The following PRKD1 variants were observed in gnomAD, a reference collection of about 807,000 sequenced individuals.
PRKD1 encodes the protein protein kinase D1, also known as serine/threonine-protein kinase D1.
PRKD1 carries 63 observed loss-of-function variants against 95.9 expected under a neutral mutation model. The observed-to-expected ratio is 0.66, with a 90% CI of 0.54 to 0.81. The LOEUF (loss-of-function observed/expected upper bound fraction) is 0.81. Among genes scored for constraint, PRKD1 ranks in the 30% least tolerant of loss-of-function variants. The pLI is 0.00. For missense variants in PRKD1, 1,048 were observed against 1,165.3 expected (o/e 0.90, Z 1.47); for synonymous variants, 425 against 423.1 (o/e 1.00, Z -0.05).
At chr14:29,729,920 CT>C (rs2139406044) in intron 1 of PRKD1, among the ~76,000 whole-genome samples, 1 of 151,836 alleles carries the variant, frequency 6.6e-6, no homozygotes, top group African/African-American at 2.4e-5. Flanking sequence ...AAGATAAGAC[CT>C]AAAACTATAA....
chr14:29,607,685 C>G (rs1878095576), intron 13 of PRKD1, among the ~76,000 whole-genome samples: 1 of 152,180 alleles, frequency 6.6e-6, no homozygotes. Context: ...TCTTCTGCCT[C>G]CAGCTGGAGA....
At chr14:29,670,195 C>T (rs942473922) in intron 2 of PRKD1, among the ~76,000 whole-genome samples, 3 of 152,028 alleles carry the variant, frequency 2.0e-5, no homozygotes, top group African/African-American at 4.8e-5. Flanking sequence ...ATATCTAGAA[C>T]CTCCTAGGTA....
intron 2 of PRKD1, among the ~76,000 whole-genome samples, chr14:29,676,867 T>C (rs979776311): frequency 9.2e-5 from 14 of 152,220 alleles, no homozygotes; most frequent in Non-Finnish European, 1.8e-4. Flanking sequence ...AGAGCTCTCA[T>C]TTCCAATATG....
At chr14:29,691,648 G>C (rs1884244521) in intron 2 of PRKD1, among the ~76,000 whole-genome samples, 1 of 152,050 alleles carries the variant, frequency 6.6e-6, no homozygotes, top group Non-Finnish European at 1.5e-5. Context: ...AAAGTAATCA[G>C]GTTGGTGCAA....
chr14:29,927,381 G>A lies in PRKD1; in HGVS notation c.132C>T (p.Ala44=). Residue 44 remains alanine (A), a synonymous_variant, in exon 1 of 18, where the codon GCC becomes GCT. Coordinates refer to ENST00000331968, the MANE Select transcript of PRKD1 (RefSeq NM_002742.3). ...GATGGAACGAGATGCCCCCGACCGG[G>A]GCCGCGACAGGAGCCAAGAACGGCG... is the stretch of plus-strand genomic sequence containing the variant. The part of the protein sequence containing the change: ...GPAPFLAPVA[A]PVGGISFHLQ... The A allele has an allele frequency of 1.3e-6, 2 of 1,554,722 alleles. No homozygotes were observed. The highest frequency in any genetic ancestry group is 1.4e-5 in the African/African-American group (1 of 71,026).
intron 1 of PRKD1, among the ~76,000 whole-genome samples, chr14:29,779,434 C>T (rs1048795241): frequency 6.6e-6 from 1 of 152,182 alleles, no homozygotes; most frequent in Non-Finnish European, 1.5e-5. Context: ...GCAACTTCAG[C>T]AAAGTCTCAG....
intron 1 of PRKD1, among the ~76,000 whole-genome samples, chr14:29,764,896 T>C (rs1888188821): frequency 6.6e-6 from 1 of 152,200 alleles, no homozygotes; most frequent in Non-Finnish European, 1.5e-5. Flanking sequence ...AATTAAAGTC[T>C]CAGACTGACA....
At chr14:29,856,000 T>C (rs552285045) in intron 1 of PRKD1, among the ~76,000 whole-genome samples, 2 of 152,252 alleles carry the variant, frequency 1.3e-5, no homozygotes, top group South Asian at 2.1e-4. Flanking sequence ...AGGATGAAAA[T>C]AGACTAATAT....
At position 29,752,185 on chromosome 14, in the gene PRKD1, G is replaced by A. The variant is rs1887506780; in HGVS notation, c.265-26511C>T. On this transcript the variant is annotated intron_variant, in intron 1 of 17. Transcript: ENST00000331968. ...TAGCTATACAGAATTTACAATAAAT[G>A]TGTTTCACATTTTATTAATATTTGT... is the stretch of plus-strand genomic sequence containing the variant. Among the ~76,000 whole-genome samples, 5 of 152,090 alleles carry A rather than the reference G, an allele frequency of 3.3e-5. No individual in the cohort carries two copies. In the South Asian group the frequency reaches 8.3e-4, roughly 25 times the overall value.
chr14:29,828,675 A>G (rs1362909832), intron 1 of PRKD1, among the ~76,000 whole-genome samples: 2 of 152,186 alleles, frequency 1.3e-5, no homozygotes, highest in East Asian at 1.9e-4. Flanking sequence ...TAAAATGCAT[A>G]CATACATGTA....
Position 29,626,576 on chromosome 14 carries a change from G to GAAA in PRKD1, c.1726-23_1726-21dup. 2 of 1,480,444 alleles carry GAAA rather than the reference G, an allele frequency of 1.4e-6. No homozygotes were observed. Among genetic ancestry groups the GAAA allele is most frequent in the Non-Finnish European group, 1.8e-6 (2 of 1,103,158 alleles). 91.7% of individuals were successfully genotyped at this position (1,480,444 alleles called of 1,614,324 possible). ...GATGTCCTAGAGGTACAAGCCCAATGAAAAAAAAACATGAAGCAGAACAAA... is the reference window on the plus strand; with the variant it reads ...GATGTCCTAGAGGTACAAGCCCAATGAAAAAAAAAAAACATGAAGCAGAACAAA... On this transcript the variant is annotated intron_variant, in intron 11 of 17. Coordinates refer to ENST00000331968, the MANE Select transcript of PRKD1 (RefSeq NM_002742.3).
chr14:29,722,016 T>G (rs1434149268), intron 2 of PRKD1, among the ~76,000 whole-genome samples: 3 of 146,802 alleles, frequency 2.0e-5, no homozygotes, highest in Non-Finnish European at 4.6e-5. Context: ...CAGAAAATGA[T>G]ATAAGCAAAG....
Position 29,632,940 on chromosome 14 carries a change from G to A in PRKD1, c.1321C>T (p.Arg441Trp), listed in dbSNP as rs770860312. 7.4e-6 allele frequency: 12 copies of A among 1,612,886 alleles called. No homozygotes were observed. Among genetic ancestry groups the A allele is most frequent in the Admixed American group, 1.7e-5 (1 of 60,016 alleles). ...HYTSKDTLRKRHYWRLDSKCI... is the reference protein window; with the variant it reads ...HYTSKDTLRKWHYWRLDSKCI... The stretch of plus-strand genomic sequence containing the variant: ...TTGCTATCCAATCTCCAATAGTGCC[G>A]TTTCCGCTGAAACAGAAGTTAGATC... The change falls in exon 9 of 18, where the codon CGG becomes TGG. Residue 441 changes from arginine to tryptophan, a missense_variant. Transcript: ENST00000331968.
At chr14:29,814,072 A>C (rs1347140918) in intron 1 of PRKD1, among the ~76,000 whole-genome samples, 1 of 152,216 alleles carries the variant, frequency 6.6e-6, no homozygotes, top group East Asian at 1.9e-4. Context: ...GAATTAATGA[A>C]TGGATATGTG....
intron 3 of PRKD1, among the ~76,000 whole-genome samples, chr14:29,664,098 T>C (rs1882346975): frequency 6.6e-6 from 1 of 152,182 alleles, no homozygotes; most frequent in Admixed American, 6.6e-5. Flanking sequence ...TTTAAAAATG[T>C]TCTGTGATAT....
intron 1 of PRKD1, among the ~76,000 whole-genome samples, chr14:29,840,762 C>A (rs572472141): frequency 6.6e-6 from 1 of 152,116 alleles, no homozygotes; most frequent in Non-Finnish European, 1.5e-5. Flanking sequence ...AGAAACTCCC[C>A]GTTATAAAAC....
Position 29,599,110 on chromosome 14 carries a change from G to T in PRKD1, c.2083C>A (p.Arg695=), listed in dbSNP as rs757547062. 1.2e-6 allele frequency: 2 copies of T among 1,612,770 alleles called. No individual in the cohort carries two copies. Among genetic ancestry groups the T allele is most frequent in the Middle Eastern group, 1.6e-4 (1 of 6,076 alleles). ...FLITQILVAL[R]HLHFKNIVHC... ...ACGATATTTTTAAAATGAAGGTGCCGCAAAGCCACGAGTATCTGTAAAGAA... is the reference window on the plus strand; with the variant it reads ...ACGATATTTTTAAAATGAAGGTGCCTCAAAGCCACGAGTATCTGTAAAGAA... The change falls in exon 15 of 18, where the codon CGG becomes AGG. Residue 695 remains arginine, a synonymous_variant. Transcript: ENST00000331968.
intron 1 of PRKD1, among the ~76,000 whole-genome samples, chr14:29,745,617 T>G (rs928292535): frequency 1.3e-5 from 2 of 151,990 alleles, no homozygotes; most frequent in African/African-American, 4.8e-5. Flanking sequence ...TACAGGCACA[T>G]GCCGCCATGC....
At position 29,642,566 on chromosome 14, in the gene PRKD1, T is replaced by C. The variant is rs149295664; in HGVS notation, c.697-3662A>G. ...TAATTGGAACTGTTTGCATGAAATG[T>C]ATTATACAAAGTAAAGAGATTTCAT... On this transcript the variant is annotated intron_variant, in intron 4 of 17. Transcript: ENST00000331968. 1.1e-4 allele frequency among the ~76,000 whole-genome samples: 16 copies of C among 152,356 alleles called. No homozygotes were observed. In the East Asian group the frequency reaches 3.1e-3, roughly 29 times the overall value.
Sources: gnomAD v4.1 joint callset for allele counts (sites outside exome capture counted in the v4.1 genomes callset) on GRCh38, gnomAD v4.1.1 for gene constraint, MANE v1.5 for transcripts, NCBI Gene and HGNC (gene_info 2026-07-23, HGNC 2026-07-21) for gene names.